The following CELF2 variants were observed in gnomAD, a reference collection of about 807,000 sequenced individuals.
CELF2 encodes the protein CUG triplet repeat RNA-binding protein 2.
Under a neutral mutation model 62.6 loss-of-function variants are expected in CELF2, and 8 were observed. The observed-to-expected ratio is 0.13, with a 90% CI of 0.07 to 0.23. The LOEUF (loss-of-function observed/expected upper bound fraction) is 0.23. Ranked by LOEUF, CELF2 falls within the 10% of genes least tolerant of loss-of-function variation. The pLI is 1.00. For missense variants in CELF2, 333 were observed against 671.0 expected (o/e 0.50, Z 5.56); for synonymous variants, 258 against 250.0 (o/e 1.03, Z -0.30).
At chr10:10,976,147 G>C (rs956784951) in intron 2 of CELF2, among the ~76,000 whole-genome samples, 2 of 152,186 alleles carry the variant, frequency 1.3e-5, no homozygotes, top group Non-Finnish European at 2.9e-5. Flanking sequence ...CACATCTGCT[G>C]GTTTCCACTG....
At chr10:10,779,470 CCCTT>C in the CELF2 span, among the ~76,000 whole-genome samples, 10 of 152,132 alleles carry the variant, frequency 6.6e-5, no homozygotes, top group Non-Finnish European at 1.5e-4. Flanking sequence ...TGATTCTCCA[CCCTT>C]CCTTCTCCTT....
chr10:10,674,527 A>C, the CELF2 span, among the ~76,000 whole-genome samples: 1 of 152,194 alleles, frequency 6.6e-6, no homozygotes, highest in Non-Finnish European at 1.5e-5. Context: ...AATCATTATC[A>C]ATATAATTGG....
the CELF2 span, among the ~76,000 whole-genome samples, chr10:10,779,014 A>T: frequency 6.6e-6 from 1 of 152,152 alleles, no homozygotes; most frequent in Non-Finnish European, 1.5e-5. Flanking sequence ...AAAAAGAACA[A>T]AGATGGGGGC....
chr10:11,070,313 AGCGGTGGG>A (rs2069483696), intron 1 of CELF2, among the ~76,000 whole-genome samples: 1 of 152,132 alleles, frequency 6.6e-6, no homozygotes, highest in South Asian at 2.1e-4. Context: ...AGAGAGCACC[AGCGGTGGG>A]GCGAGGCTGG....
chr10:11,037,741 T>A (rs2061198794), intron 1 of CELF2, among the ~76,000 whole-genome samples: 1 of 152,218 alleles, frequency 6.6e-6, no homozygotes, highest in African/African-American at 2.4e-5. Context: ...TGGCCTAGCT[T>A]GGGCTGTTGA....
intron 1 of CELF2, among the ~76,000 whole-genome samples, chr10:10,888,913 G>T (rs999361708): frequency 2.0e-5 from 3 of 152,122 alleles, no homozygotes; most frequent in African/African-American, 7.2e-5. Context: ...TCTTGGAGCG[G>T]GGACCATGTC....
At chr10:11,025,235 G>GTATATATATATATA (rs1353413938) in intron 1 of CELF2, among the ~76,000 whole-genome samples, 3 of 41,076 alleles carry the variant, frequency 7.3e-5, no homozygotes, top group Admixed American at 3.6e-4. Flanking sequence ...GTGTGTGTGT[G>GTATATATATATATA]TGTGTATATG....
At chr10:10,660,801 C>G in the CELF2 span, among the ~76,000 whole-genome samples, 1 of 152,154 alleles carries the variant, frequency 6.6e-6, no homozygotes, top group Non-Finnish European at 1.5e-5. Context: ...TTAAAGGAAC[C>G]TGGAGAATCA....
At chr10:10,715,812 G>A in the CELF2 span, among the ~76,000 whole-genome samples, 1 of 152,120 alleles carries the variant, frequency 6.6e-6, no homozygotes, top group Non-Finnish European at 1.5e-5. Context: ...TATGCACAAA[G>A]CTCCTAGAAA....
the CELF2 span, among the ~76,000 whole-genome samples, chr10:10,471,738 T>C: frequency 6.6e-6 from 1 of 152,014 alleles, no homozygotes; most frequent in African/African-American, 2.4e-5. Flanking sequence ...ATAGCCTGTA[T>C]ATAAAAGATG....
the CELF2 span, among the ~76,000 whole-genome samples, chr10:10,681,739 G>C: frequency 2.6e-5 from 4 of 152,112 alleles, no homozygotes; most frequent in Non-Finnish European, 2.9e-5. Flanking sequence ...TGAATTCAAG[G>C]ATTCTAGAAT....
chr10:10,466,919 T>A, the CELF2 span, among the ~76,000 whole-genome samples: 1 of 152,010 alleles, frequency 6.6e-6, no homozygotes, highest in Non-Finnish European at 1.5e-5. Flanking sequence ...GTAGGAGTTA[T>A]TTTTTCTCCT....
At chr10:10,874,455 A>C (rs1459462931) in intron 1 of CELF2, among the ~76,000 whole-genome samples, 2 of 145,020 alleles carry the variant, frequency 1.4e-5, no homozygotes, top group Non-Finnish European at 3.0e-5. Context: ...AAAAAAAAAA[A>C]CCTTGATTAT....
chr10:10,939,487 T>C (rs1156538471), intron 2 of CELF2, among the ~76,000 whole-genome samples: 3 of 151,550 alleles, frequency 2.0e-5, no homozygotes, highest in Non-Finnish European at 2.9e-5. Context: ...GGTTTCACCA[T>C]GTTGGCCAGG....
At position 10,934,393 on chromosome 10, in the gene CELF2, T is replaced by A. The variant is rs1401550532; in HGVS notation, c.89+14394T>A. ...CTCCAGCACACAACAGATGCTCAAA[T>A]ATGCATCAAATGAACTCATGAGTAA... On this transcript the variant is annotated intron_variant, in intron 2 of 13. Coordinates refer to the CELF2 transcript ENST00000636488. The surrounding 1 kb of genome is among the most constrained non-coding windows in gnomAD (Gnocchi z 4.4). 1 of 152,198 alleles carries A rather than the reference T, an allele frequency of 6.6e-6. No homozygotes were observed. Among genetic ancestry groups the A allele is most frequent in the Non-Finnish European group, 1.5e-5 (1 of 68,042 alleles). 9.4% of individuals were successfully genotyped at this position (152,198 alleles called of 1,614,324 possible).
the CELF2 span, among the ~76,000 whole-genome samples, chr10:10,707,686 C>G: frequency 7.9e-5 from 12 of 152,290 alleles, no homozygotes; most frequent in Non-Finnish European, 1.8e-4. Flanking sequence ...ACGCTGAAGA[C>G]AAGATTCCTG....
chr10:10,756,330 A>C, the CELF2 span, among the ~76,000 whole-genome samples: 1 of 152,254 alleles, frequency 6.6e-6, no homozygotes, highest in South Asian at 2.1e-4. Flanking sequence ...ATTAAAAGTA[A>C]TGGTAAAAAC....
At chr10:11,262,940 C>CTTTTTGTTTTTTTTTTTTTTTTTTTTT (rs2081122123) in intron 5 of CELF2, among the ~76,000 whole-genome samples, 1 of 52,766 alleles carries the variant, frequency 1.9e-5, no homozygotes, top group African/African-American at 6.9e-5. Flanking sequence ...AGTGGCTTTA[C>CTTTTTGTTTTTTTTTTTTTTTTTTTTT]TTTTTTTTTT....
intron 1 of CELF2, among the ~76,000 whole-genome samples, chr10:10,809,226 C>T (rs1369376653): frequency 6.6e-6 from 1 of 152,096 alleles, no homozygotes; most frequent in Admixed American, 6.6e-5. Context: ...TCTGTCTCTA[C>T]CATGGAAGGG....
Sources: allele counts gnomAD v4.1 joint callset (sites outside exome capture counted in the v4.1 genomes callset), GRCh38; gene constraint gnomAD v4.1.1; non-coding constraint Gnocchi (gnomAD v3.1); transcripts MANE v1.5; gene names NCBI Gene and HGNC (gene_info 2026-07-23, HGNC 2026-07-21).